Variants in FGGY observed in about 807,000 individuals in gnomAD.
The protein encoded by FGGY is FGGY carbohydrate kinase domain containing.
In FGGY, 72 loss-of-function variants were observed where a neutral mutation model predicts 71.3. The ratio of observed to expected loss-of-function variants is 1.01; its 90% CI spans 0.84 to 1.23. The LOEUF is 1.23. Ranked by LOEUF, FGGY falls within the 50% of genes most tolerant of loss-of-function variation. FGGY has a pLI of 0.00. For missense variants in FGGY, 668 were observed against 682.3 expected (o/e 0.98, Z 0.23); for synonymous variants, 251 against 250.3 (o/e 1.00, Z -0.02).
rs544551766 is a variant in FGGY at position 59,317,865 on chromosome 1, G to T, written c.-14-3671G>T. Among the ~76,000 whole-genome samples, 5 of 152,348 alleles carry T rather than the reference G, an allele frequency of 3.3e-5. No homozygotes were observed. In the South Asian group the frequency reaches 1.0e-3, roughly 32 times the overall value. On this transcript the variant is annotated intron_variant, in intron 1 of 15. Coordinates refer to ENST00000303721, the MANE Select transcript of FGGY (RefSeq NM_018291.5). ...ATGGTTTGACTCTTTGCTGCATGGTGCCCTGGTAATAAGTTATAGAAATCC... is the reference window on the plus strand; with the variant it reads ...ATGGTTTGACTCTTTGCTGCATGGTTCCCTGGTAATAAGTTATAGAAATCC...
intron 6 of FGGY, among the ~76,000 whole-genome samples, chr1:59,461,345 A>T (rs2153521289): frequency 6.6e-6 from 1 of 152,366 alleles, no homozygotes; most frequent in African/African-American, 2.4e-5. Flanking sequence ...AATGAATGAA[A>T]TAAAGCAAGA....
At chr1:59,681,783 T>C (rs575577929) in intron 14 of FGGY, among the ~76,000 whole-genome samples, 1 of 137,132 alleles carries the variant, frequency 7.3e-6, no homozygotes, top group Non-Finnish European at 1.6e-5. Flanking sequence ...CCTTGAAAAA[T>C]ACACACACAC....
At chr1:59,424,392 C>T (rs536803134) in intron 5 of FGGY, among the ~76,000 whole-genome samples, 7 of 152,210 alleles carry the variant, frequency 4.6e-5, no homozygotes, top group Admixed American at 2.6e-4. Context: ...ATTAAAAATA[C>T]AAAAATTAGC....
chr1:59,712,025 C>T (rs1309711244), intron 14 of FGGY, among the ~76,000 whole-genome samples: 1 of 152,220 alleles, frequency 6.6e-6, no homozygotes, highest in African/African-American at 2.4e-5. Context: ...CAAGTCCCTT[C>T]TGCCTATGAG....
intron 7 of FGGY, among the ~76,000 whole-genome samples, chr1:59,516,573 T>TA (rs2094658539): frequency 6.6e-6 from 1 of 152,218 alleles, no homozygotes; most frequent in Non-Finnish European, 1.5e-5. Flanking sequence ...TGTCTCCTGT[T>TA]ATGCAGTGAG....
chr1:59,584,964 G>A (rs573493880), intron 8 of FGGY, among the ~76,000 whole-genome samples: 3 of 136,966 alleles, frequency 2.2e-5, no homozygotes, highest in African/African-American at 9.7e-5. Context: ...ACTTACAAGG[G>A]ACGTGAAGGA....
intron 8 of FGGY, among the ~76,000 whole-genome samples, chr1:59,560,162 T>G (rs1448298141): frequency 6.6e-6 from 1 of 152,212 alleles, no homozygotes; most frequent in East Asian, 1.9e-4. Context: ...AATGACACTT[T>G]GTCTCTGTTG....
intron 14 of FGGY, among the ~76,000 whole-genome samples, chr1:59,744,930 C>G (rs1388877341): frequency 6.6e-6 from 1 of 152,160 alleles, no homozygotes; most frequent in Non-Finnish European, 1.5e-5. Flanking sequence ...GCTTTGGGAA[C>G]ATGGAAGAGA....
intron 6 of FGGY, among the ~76,000 whole-genome samples, chr1:59,477,485 CCT>C: frequency 1.3e-5 from 2 of 152,132 alleles, no homozygotes; most frequent in African/African-American, 4.8e-5. Flanking sequence ...CAGAAGTTTG[CCT>C]GCTGCTTAGA....
intron 14 of FGGY, among the ~76,000 whole-genome samples, chr1:59,710,698 C>A (rs1260524017): frequency 1.3e-5 from 2 of 152,130 alleles, no homozygotes; most frequent in African/African-American, 4.8e-5. Flanking sequence ...AAAAAAAGTT[C>A]ATCATCACTG....
In FGGY at chr1:59,549,068, G is replaced by T. The variant is rs189299017; in HGVS notation, c.800-5056G>T. Reference sequence around the variant, plus strand: ...ATGTTAGTCAAAATAATGGACTTCAGTGTCTGCGTGTATGTAGTCTGGTGT... The same window carrying T: ...ATGTTAGTCAAAATAATGGACTTCATTGTCTGCGTGTATGTAGTCTGGTGT... On this transcript the variant is annotated intron_variant, in intron 7 of 15. Transcript: ENST00000303721. Among the ~76,000 whole-genome samples the T allele has an allele frequency of 2.9e-3, 438 of 152,300 alleles. 1 individual carries two copies. The highest frequency in any genetic ancestry group is 8.0e-3 in the Admixed American group (122 of 15,310).
At chr1:59,567,283 G>A (rs941656198) in intron 8 of FGGY, among the ~76,000 whole-genome samples, 4 of 152,118 alleles carry the variant, frequency 2.6e-5, no homozygotes, top group African/African-American at 4.8e-5. Flanking sequence ...GTGCACAACC[G>A]AGTTGTCCAC....
chr1:59,463,936 G>A (rs2092438509), intron 6 of FGGY, among the ~76,000 whole-genome samples: 1 of 152,164 alleles, frequency 6.6e-6, no homozygotes, highest in African/African-American at 2.4e-5. Context: ...ACACCCCACT[G>A]TCAATATTCC....
At chr1:59,412,481 A>G (rs1006742921) in intron 5 of FGGY, among the ~76,000 whole-genome samples, 8 of 151,648 alleles carry the variant, frequency 5.3e-5, no homozygotes, top group Admixed American at 2.0e-4. Flanking sequence ...CCCTTTGTCT[A>G]TCAGTCCTCT....
intron 7 of FGGY, among the ~76,000 whole-genome samples, chr1:59,542,579 C>A (rs991439108): frequency 6.7e-6 from 1 of 148,208 alleles, no homozygotes; most frequent in Non-Finnish European, 1.5e-5. Context: ...GTCTCAGCGT[C>A]CCGAGTACCT....
chr1:59,438,536 C>T (rs559612017), intron 5 of FGGY, among the ~76,000 whole-genome samples: 1 of 152,274 alleles, frequency 6.6e-6, no homozygotes, highest in East Asian at 1.9e-4. Flanking sequence ...CTTTTCTAAA[C>T]ACTCAAAGTG....
intron 9 of FGGY, among the ~76,000 whole-genome samples, chr1:59,622,536 A>G (rs2096820767): frequency 1.3e-5 from 2 of 152,134 alleles, no homozygotes; most frequent in Non-Finnish European, 2.9e-5. Context: ...TCTCTGTTGC[A>G]TTATTTTAGC....
intron 11 of FGGY, among the ~76,000 whole-genome samples, chr1:59,657,960 C>CT (rs2097237110): frequency 6.6e-6 from 1 of 152,134 alleles, no homozygotes. Context: ...CTTTGTCCAC[C>CT]TGTACTTGTA....
chr1:59,494,683 A>G (rs1305949594), intron 6 of FGGY, among the ~76,000 whole-genome samples: 1 of 152,210 alleles, frequency 6.6e-6, no homozygotes, highest in Non-Finnish European at 1.5e-5. Context: ...GAAATGCAAT[A>G]TGTAATACTG....
Sources: gnomAD v4.1 joint callset for allele counts (sites outside exome capture counted in the v4.1 genomes callset) on GRCh38, gnomAD v4.1.1 for gene constraint, MANE v1.5 for transcripts, NCBI Gene and HGNC (gene_info 2026-07-23, HGNC 2026-07-21) for gene names.